Variants in NRG4 observed in about 807,000 individuals in gnomAD.
NRG4 encodes pro-neuregulin-4, membrane-bound isoform.
Under a neutral mutation model 15.0 loss-of-function variants are expected in NRG4, and 10 were observed. The observed-to-expected ratio is 0.67, with a 90% CI of 0.41 to 1.13. NRG4 has a LOEUF of 1.13. NRG4 is among the 50% of genes most tolerant of loss of function. The probability of loss-of-function intolerance (pLI) is 0.00; values close to 1 mark genes in which losing one functional copy is unlikely to be tolerated. For missense variants in NRG4, 139 were observed against 140.2 expected (o/e 0.99, Z 0.04); for synonymous variants, 41 against 50.1 (o/e 0.82, Z 0.77).
chr15:76,016,359 T>C (rs192462014), upstream of NRG4, among the ~76,000 whole-genome samples: 7 of 152,208 alleles, frequency 4.6e-5, no homozygotes, highest in Non-Finnish European at 1.0e-4. Context: ...TGATCTTAGT[T>C]ATTTCTTGTC....
chr15:76,007,472 C>T (rs1159542286), intron 3 of NRG4, among the ~76,000 whole-genome samples: 3 of 150,536 alleles, frequency 2.0e-5, no homozygotes, highest in Admixed American at 1.3e-4. Context: ...CTCTGTCGCC[C>T]AAGCTGGAGT....
chr15:75,988,559 G>A (rs1479757501), intron 3 of NRG4, among the ~76,000 whole-genome samples: 1 of 152,170 alleles, frequency 6.6e-6, no homozygotes, highest in African/African-American at 2.4e-5. Context: ...AAGTTGCTTA[G>A]AATGTGAAAT....
chr15:75,986,077 C>A (rs1302922618), intron 3 of NRG4, among the ~76,000 whole-genome samples: 1 of 152,128 alleles, frequency 6.6e-6, no homozygotes, highest in African/African-American at 2.4e-5. Flanking sequence ...AGTGAGATAC[C>A]ATTTCTCATC....
chr15:75,990,502 T>C (rs972628600), intron 3 of NRG4, among the ~76,000 whole-genome samples: 1 of 152,130 alleles, frequency 6.6e-6, no homozygotes, highest in Non-Finnish European at 1.5e-5. Context: ...GGGTGTTTCA[T>C]TTATTTTCCC....
chr15:76,011,114 G>A, intron 2 of NRG4, 107 bp downstream of exon 2: 1 of 936,250 alleles, frequency 1.1e-6, no homozygotes, highest in Non-Finnish European at 1.5e-6. Flanking sequence ...CTCTTCCAAT[G>A]ATGTTGGAAG....
At chr15:76,046,910 C>T (rs955129393) in intron 4 of NRG4, among the ~76,000 whole-genome samples, 2 of 150,698 alleles carry the variant, frequency 1.3e-5, no homozygotes, top group Admixed American at 1.3e-4. Flanking sequence ...ATCCATTTGA[C>T]AAAGAATCAA....
intron 5 of NRG4, among the ~76,000 whole-genome samples, chr15:76,034,619 T>C (rs1444385552): frequency 3.5e-5 from 5 of 141,640 alleles, no homozygotes; most frequent in African/African-American, 1.0e-4. Context: ...TAACCATAGC[T>C]AAAAAAAAAA....
chr15:75,968,417 G>A (rs961632740), intron 3 of NRG4, among the ~76,000 whole-genome samples: 2 of 151,846 alleles, frequency 1.3e-5, no homozygotes, highest in East Asian at 1.9e-4. Context: ...GTGAAACCCC[G>A]TCTCTACTAA....
chr15:76,002,372 T>C (rs1459172402), intron 3 of NRG4, among the ~76,000 whole-genome samples: 2 of 152,066 alleles, frequency 1.3e-5, no homozygotes, highest in Non-Finnish European at 2.9e-5. Flanking sequence ...AGTGGGAACT[T>C]AAAAGATACT....
Position 76,046,198 on chromosome 15 carries a change from A to T in NRG4, c.-105+5869T>A, listed in dbSNP as rs191034056. Among the ~76,000 whole-genome samples the T allele has an allele frequency of 3.3e-3, 499 of 151,292 alleles. 11 individuals carry two copies. Among genetic ancestry groups the T allele is most frequent in the Non-Finnish European group, 4.3e-3 (295 of 67,916 alleles). On this transcript the variant is annotated intron_variant, in intron 4 of 8. Coordinates refer to the NRG4 transcript ENST00000563910. ...ACCATGAAACTGATGAAAGAAATTG[A>T]AGAGGACACGCACAAAAAAGGAAAG...
rs1041578623 is a variant in NRG4 at position 75,977,367 on chromosome 15, T to C, written c.105-15393A>G. Among the ~76,000 whole-genome samples the C allele has an allele frequency of 6.6e-6, 1 of 151,866 alleles. No individual in the cohort carries two copies. The highest frequency in any genetic ancestry group is 1.5e-5 in the Non-Finnish European group (1 of 67,956). ...ACTGGTGTTGCAGGCGCCACTGGGG[T>C]ATGAAAAACCCCTGCAGCTAGCTCT... is the stretch of plus-strand genomic sequence containing the variant. On this transcript the variant is annotated intron_variant, in intron 3 of 5. Coordinates refer to ENST00000394907, the MANE Select transcript of NRG4 (RefSeq NM_138573.4). The surrounding 1 kb of genome is among the most constrained non-coding windows in gnomAD (Gnocchi z 4.9).
At chr15:76,015,837 G>C (rs931350447), upstream of NRG4, among the ~76,000 whole-genome samples, 3 of 152,178 alleles carry the variant, frequency 2.0e-5, no homozygotes, top group African/African-American at 4.8e-5. Flanking sequence ...CCAGGCTTTG[G>C]TATCAGGATG....
At chr15:76,019,339 ACGGTT>A (rs1157016896) in intron 5 of NRG4, among the ~76,000 whole-genome samples, 1 of 151,476 alleles carries the variant, frequency 6.6e-6, no homozygotes, top group Non-Finnish European at 1.5e-5. Context: ...AGGGGGGTGA[ACGGTT>A]CTGTCTCGCT....
chr15:76,027,008 G>T (rs1436292391), intron 5 of NRG4, among the ~76,000 whole-genome samples: 1 of 152,096 alleles, frequency 6.6e-6, no homozygotes, highest in East Asian at 1.9e-4. Flanking sequence ...TGTAGTCCTA[G>T]CTACTCAGGA....
chr15:75,954,313 G>T (rs2032095998), intron 5 of NRG4, among the ~76,000 whole-genome samples: 1 of 147,654 alleles, frequency 6.8e-6, no homozygotes. Context: ...CTGGAAGTTT[G>T]GTTTGGGTCC....
intron 4 of NRG4, among the ~76,000 whole-genome samples, chr15:76,046,829 G>C (rs1054373179): frequency 6.6e-6 from 1 of 150,860 alleles, no homozygotes; most frequent in African/African-American, 2.5e-5. Flanking sequence ...AAGCTAAAAA[G>C]CTTCTGCACA....
chr15:75,956,781 A>G (rs1430757271), intron 4 of NRG4, among the ~76,000 whole-genome samples: 1 of 152,164 alleles, frequency 6.6e-6, no homozygotes, highest in Non-Finnish European at 1.5e-5. Flanking sequence ...GTTTAAAGCA[A>G]TTTCAACCAC....
chr15:75,992,515 G>A (rs537497637), intron 3 of NRG4, among the ~76,000 whole-genome samples: 14 of 151,924 alleles, frequency 9.2e-5, no homozygotes, highest in African/African-American at 2.2e-4. Context: ...TTCACATACC[G>A]TACAATCTAT....
downstream of NRG4, chr15:75,939,327 CAA>C (rs2030699126): frequency 6.6e-6 from 1 of 152,000 alleles, no homozygotes. Context: ...ATGAAATGCT[CAA>C]AGTCCTAGAA....
Sources: gnomAD v4.1 joint callset for allele counts (sites outside exome capture counted in the v4.1 genomes callset) on GRCh38, gnomAD v4.1.1 for gene constraint, Gnocchi (gnomAD v3.1) non-coding constraint, MANE v1.5 for transcripts, NCBI Gene and HGNC (gene_info 2026-07-23, HGNC 2026-07-21) for gene names.